NDST1: variants seen among roughly 807,000 people sequenced by gnomAD.
NDST1 encodes the protein bifunctional heparan sulfate N-deacetylase/N-sulfotransferase 1.
Under a neutral mutation model 92.8 loss-of-function variants are expected in NDST1, and 35 were observed. That is an observed-to-expected ratio of 0.38 (90% confidence interval 0.29 to 0.50). The LOEUF is 0.50. NDST1 is among the 20% of genes least tolerant of loss of function. NDST1 has a pLI of 0.94. For synonymous variants in NDST1, 493 were observed against 500.3 expected, an observed-to-expected ratio of 0.99 and a Z score of 0.19; for missense variants, 822 against 1,182.7, an observed-to-expected ratio of 0.69 and a Z score of 4.47.
At chr5:150,536,273 C>A (rs1006863889) in intron 6 of NDST1, among the ~76,000 whole-genome samples, 2 of 152,000 alleles carry the variant, frequency 1.3e-5, no homozygotes, top group African/African-American at 4.8e-5. Flanking sequence ...ATTGCTTGAG[C>A]CTAGGAGTTT....
chr5:150,504,023 A>G (rs1753343987), upstream of NDST1, among the ~76,000 whole-genome samples: 2 of 152,174 alleles, frequency 1.3e-5, no homozygotes, highest in African/African-American at 4.8e-5. Flanking sequence ...TCTGGTCTGC[A>G]TCCAGGCTGG....
chr5:150,540,364 C>T, intron 8 of NDST1, 100 bp downstream of exon 8: 2 of 1,281,372 alleles, frequency 1.6e-6, no homozygotes, highest in Non-Finnish European at 2.1e-6. Flanking sequence ...GCCATCATGC[C>T]TTCACACTCT....
At position 150,555,987 on chromosome 5, in the gene NDST1, G is replaced by A. The variant is rs73274420; in HGVS notation, c.*2655G>A. The stretch of plus-strand genomic sequence containing the variant: ...AGACCCACTAGGTCCAGACACTGCC[G>A]GGACTTGCAGGTATGGGGGGTAGAA... On this transcript the variant is annotated 3_prime_UTR_variant, in exon 15 of 15. Coordinates refer to ENST00000261797, the MANE Select transcript of NDST1 (RefSeq NM_001543.5). 5,474 of 152,428 alleles carry A rather than the reference G, an allele frequency of 0.036. 325 individuals are homozygous for A. The highest frequency in any genetic ancestry group is 0.12 in the African/African-American group (5,036 of 41,496). The allele number at this position is 152,428 out of a possible 1,614,324, so 9.4% of individuals were successfully genotyped here. A position where few individuals can be genotyped will look rare whatever the true frequency, so the allele number is the denominator to read the frequency against.
At chr5:150,550,720 C>T (rs753981844) in intron 13 of NDST1, 5 of 152,262 alleles carry the variant, frequency 3.3e-5, no homozygotes, top group Non-Finnish European at 5.9e-5. Context: ...GAAGTCAGTC[C>T]TTCACCTTGA....
chr5:150,509,513 G>T (rs183510848), intron 1 of NDST1, among the ~76,000 whole-genome samples: 1 of 152,098 alleles, frequency 6.6e-6, no homozygotes, highest in African/African-American at 2.4e-5. Context: ...GGGGCAGGAG[G>T]TGGCCCCCCT....
In NDST1 at chr5:150,553,639, G is replaced by C. The variant is rs1755809491; in HGVS notation, c.*307G>C. ...ACGAGACTCTTTTCTGTCCCTCACTGTGTTCCGCCGACTGTCCCCTCTCGT... is the reference window on the plus strand; with the variant it reads ...ACGAGACTCTTTTCTGTCCCTCACTCTGTTCCGCCGACTGTCCCCTCTCGT... On this transcript the variant is annotated 3_prime_UTR_variant, in exon 15 of 15. Transcript: ENST00000261797. This position sits in a 1 kb window ranked among gnomAD's most constrained non-coding sequence, Gnocchi z 4.2. 1 of 428,428 alleles carries C rather than the reference G, an allele frequency of 2.3e-6. No homozygotes were observed. Among genetic ancestry groups the C allele is most frequent in the African/African-American group, 2.0e-5 (1 of 49,574 alleles). 26.5% of individuals were successfully genotyped at this position (428,428 alleles called of 1,614,324 possible). A position where few individuals can be genotyped will look rare whatever the true frequency, so the allele number is the denominator to read the frequency against.
In NDST1 at chr5:150,499,429, G is replaced by T. The variant is rs115397710; in HGVS notation, c.-388+1190G>T. Among the ~76,000 whole-genome samples, 1,237 of 152,292 alleles carry T rather than the reference G, an allele frequency of 8.1e-3. 14 individuals are homozygous for T. The highest frequency in any genetic ancestry group is 0.028 in the African/African-American group (1,159 of 41,546). On this transcript the variant is annotated intron_variant, in intron 1 of 1. Transcript: ENST00000518299. ...GTTTGCAACCCTGTCCTTAAGCTATGAACCACTTTCTCTCCTACCTTGTTC... is the reference window on the plus strand; with the variant it reads ...GTTTGCAACCCTGTCCTTAAGCTATTAACCACTTTCTCTCCTACCTTGTTC...
intron 1 of NDST1, among the ~76,000 whole-genome samples, chr5:150,500,057 G>C (rs928141070): frequency 6.6e-6 from 1 of 152,208 alleles, no homozygotes; most frequent in Non-Finnish European, 1.5e-5. Flanking sequence ...CCAACTGTCT[G>C]TCCCGTCAAG....
rs964091675 is a variant in NDST1 at position 150,553,825 on chromosome 5, G to A, written c.*493G>A. The A allele has an allele frequency of 2.5e-5, 12 of 474,112 alleles. No homozygotes were observed. Among genetic ancestry groups the A allele is most frequent in the African/African-American group, 1.9e-4 (10 of 51,908 alleles). 29.4% of individuals were successfully genotyped at this position (474,112 alleles called of 1,614,324 possible). A position where few individuals can be genotyped will look rare whatever the true frequency, so the allele number is the denominator to read the frequency against. On this transcript the variant is annotated 3_prime_UTR_variant, in exon 15 of 15. Coordinates refer to ENST00000261797, the MANE Select transcript of NDST1 (RefSeq NM_001543.5). This position sits in a 1 kb window ranked among gnomAD's most constrained non-coding sequence, Gnocchi z 4.2. ...CCAAGGGGCCAGCTGGGTCCCCGGA[G>A]TCAGTCCTAGGCTGGATGGGAGGGT...
intron 4 of NDST1, among the ~76,000 whole-genome samples, chr5:150,533,716 A>G (rs917832682): frequency 2.6e-5 from 4 of 152,214 alleles, no homozygotes; most frequent in South Asian, 2.1e-4. Context: ...GGTATATGCA[A>G]CATAGCCCCA....
Position 150,551,811 on chromosome 5 carries a change from C to T in NDST1, c.2485C>T (p.Leu829=). The change falls in exon 14 of 15, where the codon CTG becomes TTG. Residue 829 remains leucine, a synonymous_variant. Transcript: ENST00000261797. The stretch of plus-strand genomic sequence containing the variant: ...GCTTGAAGGAGGAAAAACCAAGTGT[C>T]TGGGCAAAAGCAAGGGCCGGAAATA... The part of the protein sequence containing the change: ...QLLEGGKTKC[L]GKSKGRKYPE... 1 of 1,613,724 alleles carries T rather than the reference C, an allele frequency of 6.2e-7. No homozygotes were observed. Among genetic ancestry groups the T allele is most frequent in the Non-Finnish European group, 8.5e-7 (1 of 1,179,722 alleles).
rs765338839 is a variant in NDST1 at position 150,553,787 on chromosome 5, G to C, written c.*455G>C. Reference sequence around the variant, plus strand: ...GACAGACTGGACATTTCCCTGTTTCGAGCCAGGCTCTTCCAAGGGGCCAGC... The same window carrying C: ...GACAGACTGGACATTTCCCTGTTTCCAGCCAGGCTCTTCCAAGGGGCCAGC... On this transcript the variant is annotated 3_prime_UTR_variant, in exon 15 of 15. Coordinates refer to ENST00000261797, the MANE Select transcript of NDST1 (RefSeq NM_001543.5). The surrounding 1 kb of genome is among the most constrained non-coding windows in gnomAD (Gnocchi z 4.2). 4.6e-6 allele frequency: 2 copies of C among 432,552 alleles called. No homozygotes were observed. The highest frequency in any genetic ancestry group is 2.0e-5 in the African/African-American group (1 of 50,778). The allele number at this position is 432,552 out of a possible 1,614,324, so 26.8% of individuals were successfully genotyped here. A position where few individuals can be genotyped will look rare whatever the true frequency, so the allele number is the denominator to read the frequency against.
Position 150,520,983 on chromosome 5 carries a change from T to G in NDST1, c.-272T>G. ...AGGCCCTGACGCCCTGGGGCACTTC[T>G]GCTCTGCACAGGACCACGCGGGGGT... On this transcript the variant is annotated 5_prime_UTR_variant, in exon 2 of 15. Coordinates refer to ENST00000261797, the MANE Select transcript of NDST1 (RefSeq NM_001543.5). The G allele has an allele frequency of 1.7e-6, 1 of 575,130 alleles. No individual in the cohort carries two copies. The highest frequency in any genetic ancestry group is 3.1e-6 in the Non-Finnish European group (1 of 325,286). The allele number at this position is 575,130 out of a possible 1,614,324, so 35.6% of individuals were successfully genotyped here.
intron 1 of NDST1, among the ~76,000 whole-genome samples, chr5:150,508,849 AACCCCCAGAAGGTCACAG>A (rs1753585904): frequency 6.6e-6 from 1 of 152,144 alleles, no homozygotes; most frequent in South Asian, 2.1e-4. Flanking sequence ...AGGGTTCTAT[AACCCCCAGAAGGTCACAG>A]ACTTCTCCTC....
rs543649866 is a variant in NDST1 at position 150,555,953 on chromosome 5, C to T, written c.*2621C>T. The T allele has an allele frequency of 1.3e-5, 2 of 152,266 alleles. No individual in the cohort carries two copies. The highest frequency in any genetic ancestry group is 2.4e-5 in the African/African-American group (1 of 41,418). The allele number at this position is 152,266 out of a possible 1,614,324, so 9.4% of individuals were successfully genotyped here. A position where few individuals can be genotyped will look rare whatever the true frequency, so the allele number is the denominator to read the frequency against. The stretch of plus-strand genomic sequence containing the variant: ...GCCACTTCTCCTCCCACTAACAGAC[C>T]TTTCTTGAAGACCCACTAGGTCCAG... On this transcript the variant is annotated 3_prime_UTR_variant, in exon 15 of 15. Transcript: ENST00000261797.
At chr5:150,530,493 C>T (rs930883005) in intron 3 of NDST1, among the ~76,000 whole-genome samples, 7 of 151,866 alleles carry the variant, frequency 4.6e-5, no homozygotes, top group African/African-American at 1.5e-4. Context: ...AGATCAGGTT[C>T]CTGGGCTCAC....
intron 1 of NDST1, among the ~76,000 whole-genome samples, chr5:150,510,165 C>T (rs1320334627): frequency 6.6e-6 from 1 of 152,210 alleles, no homozygotes; most frequent in African/African-American, 2.4e-5. Flanking sequence ...CTGTAAAGTG[C>T]TCATAGCAGT....
At chr5:150,543,647 C>T (rs11746198) in intron 10 of NDST1, among the ~76,000 whole-genome samples, 50,861 of 152,142 alleles carry the variant, frequency 0.33, 9,392 homozygotes, top group Non-Finnish European at 0.41. Flanking sequence ...ACACCTCACA[C>T]GTGTGTGAAC....
rs747308186 is a variant in NDST1, at chr5:150,549,791, A to G, written c.2426+4A>G. On this transcript the variant is annotated splice_donor_region_variant and intron_variant, in intron 13 of 14. Transcript: ENST00000261797. ...TTGACTACCACAAAACCTTGGCGTG[A>G]GTGTTGCCTTTTCCTTTCTGCAGGT... 1.3e-6 allele frequency: 2 copies of G among 1,582,898 alleles called. No individual in the cohort carries two copies. The highest frequency in any genetic ancestry group is 1.7e-6 in the Non-Finnish European group (2 of 1,151,512).
Sources: allele counts gnomAD v4.1 joint callset (sites outside exome capture counted in the v4.1 genomes callset), GRCh38; gene constraint gnomAD v4.1.1; non-coding constraint Gnocchi (gnomAD v3.1); transcripts MANE v1.5; gene names NCBI Gene and HGNC (gene_info 2026-07-23, HGNC 2026-07-21).